CCDC149: variants seen among roughly 807,000 people sequenced by gnomAD.
CCDC149 encodes the protein coiled-coil domain containing 149.
In CCDC149, 45 loss-of-function variants were observed where a neutral mutation model predicts 59.9. That is an observed-to-expected ratio of 0.75 (90% CI 0.59 to 0.96). The LOEUF (loss-of-function observed/expected upper bound fraction) is 0.96. CCDC149 is among the 40% of genes least tolerant of loss of function. The probability of loss-of-function intolerance (pLI) is 0.00; values close to 1 mark genes in which losing one functional copy is unlikely to be tolerated. For missense variants in CCDC149, 584 were observed against 664.7 expected, an observed-to-expected ratio of 0.88 and a Z score of 1.33; for synonymous variants, 245 against 260.6, an observed-to-expected ratio of 0.94 and a Z score of 0.58.
intron 4 of CCDC149, among the ~76,000 whole-genome samples, chr4:24,841,496 G>A (rs1360481873): frequency 6.6e-6 from 1 of 152,206 alleles, no homozygotes; most frequent in Non-Finnish European, 1.5e-5. Flanking sequence ...TTAAATCTCA[G>A]GGCTGGACTG....
chr4:24,916,315 G>A (rs546761212), upstream of CCDC149, among the ~76,000 whole-genome samples: 1 of 152,118 alleles, frequency 6.6e-6, no homozygotes, highest in Non-Finnish European at 1.5e-5. Flanking sequence ...AGTTTGAGAG[G>A]GTTTTAGACA....
intron 1 of CCDC149, among the ~76,000 whole-genome samples, chr4:24,958,113 T>C (rs940843908): frequency 2.0e-5 from 3 of 152,196 alleles, no homozygotes; most frequent in Admixed American, 6.5e-5. Context: ...ATAGAAGCTC[T>C]TTATGACTCA....
chr4:24,905,995 A>C (rs1475108694), intron 1 of CCDC149, among the ~76,000 whole-genome samples: 2 of 152,220 alleles, frequency 1.3e-5, no homozygotes, highest in African/African-American at 2.4e-5. Flanking sequence ...TCAGCCACAC[A>C]GATGAGGACC....
At chr4:24,917,247 G>T (rs1308952344), upstream of CCDC149, among the ~76,000 whole-genome samples, 2 of 152,206 alleles carry the variant, frequency 1.3e-5, no homozygotes, top group African/African-American at 2.4e-5. Context: ...TCCCTGCCCA[G>T]CGGCAAACAG....
chr4:24,877,175 CTGTTTGTT>C lies in CCDC149; in HGVS notation c.64-486_64-479del, dbSNP rs35214498. Among the ~76,000 whole-genome samples, 93 of 151,068 alleles carry C rather than the reference CTGTTTGTT, an allele frequency of 6.2e-4. 2 individuals are homozygous for C. In the East Asian group the frequency reaches 0.012, roughly 19 times the overall value. ...AGAGTAAACCTATATGGTTTTTTGT[CTGTTTGTT>C]TGTTTGTTTGTTTGTTTTTTGAGAC... On this transcript the variant is annotated intron_variant, in intron 1 of 12. Transcript: ENST00000635206.
At chr4:24,832,229 A>G (rs1359413703) in intron 8 of CCDC149, among the ~76,000 whole-genome samples, 8 of 152,254 alleles carry the variant, frequency 5.3e-5, no homozygotes. Context: ...GCATAACAAA[A>G]CCAATGATTT....
upstream of CCDC149, among the ~76,000 whole-genome samples, chr4:24,915,921 A>G (rs1000389722): frequency 2.0e-5 from 3 of 152,226 alleles, no homozygotes; most frequent in African/African-American, 7.2e-5. Flanking sequence ...CACCTCATCA[A>G]CAGCAGCCCA....
intron 1 of CCDC149, among the ~76,000 whole-genome samples, chr4:24,908,002 GC>G (rs1360029530): frequency 6.6e-6 from 1 of 152,056 alleles, no homozygotes; most frequent in Non-Finnish European, 1.5e-5. Context: ...GCATCTCTGT[GC>G]CCAAATTTGC....
upstream of CCDC149, among the ~76,000 whole-genome samples, chr4:24,914,848 T>C (rs1722078322): frequency 1.3e-5 from 2 of 152,162 alleles, no homozygotes; most frequent in African/African-American, 4.8e-5. Flanking sequence ...CCTGGCATCA[T>C]AATCTAAAGA....
At chr4:24,817,809 G>A (rs373573816) in intron 12 of CCDC149, among the ~76,000 whole-genome samples, 89 of 152,212 alleles carry the variant, frequency 5.8e-4, no homozygotes, top group African/African-American at 1.8e-3. Flanking sequence ...TTTTGAGTTG[G>A]TTTGTTACCC....
chr4:24,866,542 G>C (rs987977802), intron 3 of CCDC149, among the ~76,000 whole-genome samples: 2 of 151,992 alleles, frequency 1.3e-5, no homozygotes, highest in Non-Finnish European at 2.9e-5. Context: ...AGTGCAAAGG[G>C]GCGCTCTGTG....
At chr4:24,895,084 G>T (rs780347870) in intron 1 of CCDC149, 1 of 1,361,004 alleles carries the variant, frequency 7.3e-7, no homozygotes, top group South Asian at 1.2e-5. Context: ...TAATGACGTG[G>T]CAACTATCCA....
At chr4:24,810,741 C>T (rs143816138) in intron 12 of CCDC149, among the ~76,000 whole-genome samples, 7 of 152,264 alleles carry the variant, frequency 4.6e-5, no homozygotes, top group African/African-American at 1.4e-4. Flanking sequence ...ACATATTAAA[C>T]GATTCACACC....
chr4:24,903,024 C>CAAAAAAAAAAAAA (rs10646050), intron 1 of CCDC149, among the ~76,000 whole-genome samples: 2 of 52,500 alleles, frequency 3.8e-5, no homozygotes, highest in Admixed American at 2.7e-4. Context: ...GAGTCTAACT[C>CAAAAAAAAAAAAA]AAAAAAAAAA....
chr4:24,954,946 T>C (rs1723426333), intron 1 of CCDC149, among the ~76,000 whole-genome samples: 1 of 152,214 alleles, frequency 6.6e-6, no homozygotes, highest in Non-Finnish European at 1.5e-5. Flanking sequence ...ACATTCTGCT[T>C]CCCTTTTAAT....
At chr4:24,834,444 C>T (rs182352992) in intron 8 of CCDC149, among the ~76,000 whole-genome samples, 25 of 152,246 alleles carry the variant, frequency 1.6e-4, no homozygotes, top group Middle Eastern at 6.8e-3. Flanking sequence ...GAAAAAGGCA[C>T]ATGTTATGTG....
At chr4:24,841,079 C>T (rs1272545040) in intron 4 of CCDC149, among the ~76,000 whole-genome samples, 4 of 152,156 alleles carry the variant, frequency 2.6e-5, no homozygotes, top group African/African-American at 4.8e-5. Flanking sequence ...GACATCAGAA[C>T]TCCAAAAGTG....
At chr4:24,875,075 G>A (rs999994682) in intron 2 of CCDC149, among the ~76,000 whole-genome samples, 4 of 152,170 alleles carry the variant, frequency 2.6e-5, no homozygotes, top group African/African-American at 9.7e-5. Flanking sequence ...TTGGGAGGGC[G>A]AGGCGGGCAG....
chr4:24,973,788 C>G (rs1387209864), intron 1 of CCDC149, among the ~76,000 whole-genome samples: 1 of 152,208 alleles, frequency 6.6e-6, no homozygotes, highest in Non-Finnish European at 1.5e-5. Flanking sequence ...TTCTGTGCAA[C>G]GTTATCCACA....
Sources: allele counts gnomAD v4.1 joint callset (sites outside exome capture counted in the v4.1 genomes callset), GRCh38; gene constraint gnomAD v4.1.1; transcripts MANE v1.5; gene names NCBI Gene and HGNC (gene_info 2026-07-23, HGNC 2026-07-21).